Variants in MYO5B observed in about 807,000 individuals in gnomAD.
MYO5B encodes unconventional myosin-Vb.
Under a neutral mutation model 229.3 loss-of-function variants are expected in MYO5B, and 143 were observed. The ratio of observed to expected loss-of-function variants is 0.62; its 90% confidence interval spans 0.54 to 0.72. The LOEUF (loss-of-function observed/expected upper bound fraction) is 0.72. Among genes scored for constraint, MYO5B ranks in the 30% least tolerant of loss-of-function variants. The pLI is 0.00. For synonymous variants in MYO5B, 918 were observed against 885.2 expected, an observed-to-expected ratio of 1.04 and a Z score of -0.66; for missense variants, 2,321 against 2,331.0, an observed-to-expected ratio of 1.00 and a Z score of 0.09.
chr18:49,942,044 C>A lies in MYO5B; in HGVS notation c.1753-4647G>T, dbSNP rs530946707. ...CAGAAATAATGCTGCATATCTACAA[C>A]CATCTGATCTTTGACAAACCTGACA... On this transcript the variant is annotated intron_variant, in intron 14 of 39. Transcript: ENST00000285039. 3.4e-5 allele frequency among the ~76,000 whole-genome samples: 4 copies of A among 117,986 alleles called. No individual in the cohort carries two copies. The South Asian group carries it at 7.9e-4, about 23-fold the overall frequency. The allele number at this position is 117,986 out of a possible 152,430, so 77.4% of individuals were successfully genotyped here.
chr18:49,963,407 A>ATTT (rs1568049810), intron 10 of MYO5B, among the ~76,000 whole-genome samples: 4 of 148,558 alleles, frequency 2.7e-5, no homozygotes, highest in Admixed American at 6.7e-5. Context: ...TAATTTAATT[A>ATTT]ATTAATTAAT....
intron 8 of MYO5B, among the ~76,000 whole-genome samples, chr18:49,981,147 A>G (rs1269785944): frequency 1.3e-5 from 2 of 152,258 alleles, no homozygotes; most frequent in African/African-American, 2.4e-5. Context: ...TGTGGCAGCA[A>G]TCACGTGTTG....
chr18:50,187,362 GAC>G (rs2033162479), intron 1 of MYO5B, among the ~76,000 whole-genome samples: 1 of 152,160 alleles, frequency 6.6e-6, no homozygotes, highest in African/African-American at 2.4e-5. Context: ...TCAGTAACAG[GAC>G]ACATTGATAT....
intron 1 of MYO5B, among the ~76,000 whole-genome samples, chr18:50,162,230 T>C (rs2032777423): frequency 6.6e-6 from 1 of 152,238 alleles, no homozygotes; most frequent in Non-Finnish European, 1.5e-5. Context: ...CATATCAACA[T>C]TCTCCAACAG....
rs534611179 is a variant in MYO5B at position 49,964,499 on chromosome 18, G to T, written c.1323-1469C>A. 5.9e-5 allele frequency among the ~76,000 whole-genome samples: 9 copies of T among 152,204 alleles called. No homozygotes were observed. The East Asian group carries it at 1.5e-3, about 26-fold the overall frequency. ...GGAAAATTTCCCCATGCTCCATTCG[G>T]GTCAGCCTCCAGTGTTCTCCCCATC... On this transcript the variant is annotated intron_variant, in intron 10 of 39. Coordinates refer to ENST00000285039, the MANE Select transcript of MYO5B (RefSeq NM_001080467.3).
At chr18:50,165,538 G>A (rs1460131216) in intron 1 of MYO5B, among the ~76,000 whole-genome samples, 1 of 152,216 alleles carries the variant, frequency 6.6e-6, no homozygotes, top group Non-Finnish European at 1.5e-5. Context: ...GACTTTGGGA[G>A]GCCAAGGCAG....
chr18:49,974,006 C>T (rs1400947096), intron 10 of MYO5B, among the ~76,000 whole-genome samples: 2 of 152,194 alleles, frequency 1.3e-5, no homozygotes, highest in South Asian at 4.1e-4. Context: ...CCATTTCTCA[C>T]AGTAACTTGC....
At chr18:49,894,791 C>T (rs1568021304) in intron 22 of MYO5B, 150 bp downstream of exon 22, 2 of 727,006 alleles carry the variant, frequency 2.8e-6, no homozygotes, top group Non-Finnish European at 4.8e-6. Flanking sequence ...ATGCCACTTT[C>T]TGTCTAGACA....
chr18:49,946,107 G>C (rs2025369696), intron 14 of MYO5B, among the ~76,000 whole-genome samples: 1 of 84,446 alleles, frequency 1.2e-5, no homozygotes, highest in African/African-American at 5.2e-5. Flanking sequence ...ATTCATAGTA[G>C]CTTTTACTGT....
intron 1 of MYO5B, among the ~76,000 whole-genome samples, chr18:50,101,301 G>GA (rs1399435050): frequency 6.6e-6 from 1 of 152,162 alleles, no homozygotes; most frequent in East Asian, 1.9e-4. Flanking sequence ...ACATGGAAGG[G>GA]AAAAAGAAGG....
chr18:49,985,365 C>T (rs931790753), intron 7 of MYO5B, among the ~76,000 whole-genome samples: 2 of 152,156 alleles, frequency 1.3e-5, no homozygotes, highest in African/African-American at 4.8e-5. Flanking sequence ...GCTGTCATCC[C>T]CCAGCTTAAT....
At chr18:49,829,001 A>G (rs1301061739) in intron 39 of MYO5B, among the ~76,000 whole-genome samples, 1 of 152,132 alleles carries the variant, frequency 6.6e-6, no homozygotes, top group Non-Finnish European at 1.5e-5. Context: ...AAGAAATGAA[A>G]TAACATAAAT....
At chr18:49,997,281 A>G (rs1476856288) in intron 5 of MYO5B, among the ~76,000 whole-genome samples, 1 of 24,810 alleles carries the variant, frequency 4.0e-5, no homozygotes, top group African/African-American at 8.1e-5. Context: ...AAAAAAAAAA[A>G]AAAAAAAAAA....
chr18:49,836,590 T>G, intron 38 of MYO5B, 121 bp downstream of exon 38: 2 of 1,158,626 alleles, frequency 1.7e-6, no homozygotes, highest in Non-Finnish European at 2.6e-6. Context: ...AATTGTCTCA[T>G]TAGGGGTATA....
intron 31 of MYO5B, chr18:49,849,887 G>A (rs909617069): frequency 3.6e-6 from 2 of 555,216 alleles, no homozygotes; most frequent in African/African-American, 1.9e-5. Flanking sequence ...CTCAAGGCAA[G>A]ACTCCTCCCA....
chr18:49,877,749 C>T lies in MYO5B; in HGVS notation c.3396+14G>A. ...TCTGGAGGAGGACAGTACCCAAGAG[C>T]CTGCATCACTCACCTCCACCTGCTG... On this transcript the variant is annotated intron_variant, in intron 25 of 39. Coordinates refer to ENST00000285039, the MANE Select transcript of MYO5B (RefSeq NM_001080467.3). The T allele has an allele frequency of 6.2e-7, 1 of 1,613,794 alleles. No individual in the cohort carries two copies. The highest frequency in any genetic ancestry group is 8.5e-7 in the Non-Finnish European group (1 of 1,179,814).
At chr18:50,162,663 C>T (rs1267220147) in intron 1 of MYO5B, among the ~76,000 whole-genome samples, 1 of 152,226 alleles carries the variant, frequency 6.6e-6, no homozygotes, top group Non-Finnish European at 1.5e-5. Context: ...CACTAATGCA[C>T]ATTTCTTCAC....
chr18:50,084,603 C>T (rs1307835225), intron 1 of MYO5B, among the ~76,000 whole-genome samples: 3 of 152,182 alleles, frequency 2.0e-5, no homozygotes, highest in Non-Finnish European at 4.4e-5. Context: ...CCCGCATCGC[C>T]ATGTCAATCC....
intron 1 of MYO5B, among the ~76,000 whole-genome samples, chr18:50,092,617 T>G (rs1037882159): frequency 6.6e-5 from 10 of 152,068 alleles, no homozygotes; most frequent in African/African-American, 2.4e-4. Flanking sequence ...CTGGAAGAGG[T>G]TGGTCAGCTG....
Sources: gnomAD v4.1 joint callset for allele counts (sites outside exome capture counted in the v4.1 genomes callset) on GRCh38, gnomAD v4.1.1 for gene constraint, MANE v1.5 for transcripts, NCBI Gene and HGNC (gene_info 2026-07-23, HGNC 2026-07-21) for gene names.